Variants in WDR20 observed in about 807,000 individuals in gnomAD.
WDR20 encodes WD repeat domain 20.
In WDR20, 3 loss-of-function variants were observed where a neutral mutation model predicts 38.7. The observed-to-expected ratio is 0.08, with a 90% CI of 0.04 to 0.20. The LOEUF is 0.20. WDR20 is among the 10% of genes least tolerant of loss of function. The pLI is 1.00. For missense variants in WDR20, 559 were observed against 727.7 expected, an observed-to-expected ratio of 0.77 and a Z score of 2.67; for synonymous variants, 298 against 285.6, an observed-to-expected ratio of 1.04 and a Z score of -0.44.
At chr14:102,190,538 A>C (rs2066082302) in intron 1 of WDR20, among the ~76,000 whole-genome samples, 1 of 151,944 alleles carries the variant, frequency 6.6e-6, no homozygotes, top group South Asian at 2.1e-4. Context: ...GGTTACAGTG[A>C]GCCAAGATCA....
downstream of WDR20, among the ~76,000 whole-genome samples, chr14:102,211,274 C>T (rs1479242377): frequency 1.3e-5 from 2 of 152,172 alleles, no homozygotes; most frequent in Non-Finnish European, 2.9e-5. The surrounding 1 kb of genome is among the most constrained non-coding windows in gnomAD (Gnocchi z 4.2). Context: ...GACCAGTTTG[C>T]GTAGTGAATA....
In WDR20 at chr14:102,140,076, C is replaced by T. The variant is rs374419515; in HGVS notation, c.153C>T (p.Ser51=). Residue 51 remains serine, a synonymous_variant, in exon 1 of 3, where the codon TCC becomes TCT. Transcript: ENST00000342702. ...AGGGATCCAACCCTGTCCGCGTCTC[C>T]TTCGTAAACCTCAACGACCAGTCTG... is the stretch of plus-strand genomic sequence containing the variant. ...NSQGSNPVRV[S]FVNLNDQSGN... 1.9e-6 allele frequency: 3 copies of T among 1,614,218 alleles called. No individual in the cohort carries two copies. The highest frequency in any genetic ancestry group is 2.5e-6 in the Non-Finnish European group (3 of 1,180,034).
chr14:102,152,055 G>A (rs1056387691), intron 1 of WDR20, among the ~76,000 whole-genome samples: 10 of 151,976 alleles, frequency 6.6e-5, no homozygotes, highest in African/African-American at 2.4e-4. Flanking sequence ...CTGAGTATCT[G>A]GGACTATAGG....
chr14:102,200,775 C>CT (rs1185256049), intron 2 of WDR20, among the ~76,000 whole-genome samples: 1 of 152,216 alleles, frequency 6.6e-6, no homozygotes, highest in African/African-American at 2.4e-5. Context: ...TGTTGCCCTT[C>CT]TCCTCTCGCA....
intron 2 of WDR20, among the ~76,000 whole-genome samples, chr14:102,198,894 G>A (rs903728573): frequency 6.6e-6 from 1 of 152,180 alleles, no homozygotes; most frequent in African/African-American, 2.4e-5. Context: ...GTCTGTACTT[G>A]CTAAGTTCGA....
chr14:102,182,046 T>G (rs1476874597), intron 1 of WDR20, among the ~76,000 whole-genome samples: 6 of 152,220 alleles, frequency 3.9e-5, no homozygotes, highest in African/African-American at 1.4e-4. Flanking sequence ...TGTAACCCTT[T>G]TAGCTGTTTC....
intron 1 of WDR20, among the ~76,000 whole-genome samples, chr14:102,146,253 AC>A (rs1191129742): frequency 2.6e-5 from 4 of 151,594 alleles, no homozygotes; most frequent in Admixed American, 6.6e-5. Context: ...GACCTCTGGC[AC>A]CCGGGTTTTA....
intron 2 of WDR20, chr14:102,198,097 C>CTTTATTTATTTA (rs67384915): frequency 9.1e-5 from 16 of 176,576 alleles, no homozygotes; most frequent in East Asian, 2.6e-4. Context: ...CAGAGGTCTA[C>CTTTATTTATTTA]TTTATTTATT....
intron 1 of WDR20, among the ~76,000 whole-genome samples, chr14:102,175,001 C>T (rs1283369373): frequency 6.6e-6 from 1 of 152,136 alleles, no homozygotes; most frequent in African/African-American, 2.4e-5. Flanking sequence ...TTCTCTGCAA[C>T]CCTGTGGGTT....
intron 1 of WDR20, among the ~76,000 whole-genome samples, chr14:102,162,067 T>C (rs931371963): frequency 1.3e-5 from 2 of 152,136 alleles, no homozygotes; most frequent in Non-Finnish European, 2.9e-5. Context: ...AGTTGGGGTA[T>C]GAGATAGTAG....
chr14:102,191,744 G>A (rs2066493172), intron 1 of WDR20, among the ~76,000 whole-genome samples: 1 of 152,208 alleles, frequency 6.6e-6, no homozygotes, highest in Non-Finnish European at 1.5e-5. Context: ...AGTGCCACTG[G>A]AAAGGGATTG....
intron 2 of WDR20, among the ~76,000 whole-genome samples, chr14:102,199,783 C>T (rs1262340492): frequency 6.6e-6 from 1 of 152,206 alleles, no homozygotes; most frequent in African/African-American, 2.4e-5. Context: ...AAATTCCCAT[C>T]TGGGAACAAG....
At chr14:102,198,292 AT>A in intron 2 of WDR20, 1 of 346,780 alleles carries the variant, frequency 2.9e-6, no homozygotes, top group Non-Finnish European at 5.7e-6. Context: ...TAATTTTTGT[AT>A]TTTTAGTAGA....
At chr14:102,144,637 C>T (rs896398745) in intron 1 of WDR20, among the ~76,000 whole-genome samples, 3 of 152,044 alleles carry the variant, frequency 2.0e-5, no homozygotes, top group African/African-American at 7.2e-5. Context: ...CCATCACTTC[C>T]TCAGGAAATT....
chr14:102,204,733 A>G (rs1275229953), intron 2 of WDR20, among the ~76,000 whole-genome samples: 2 of 152,208 alleles, frequency 1.3e-5, no homozygotes, highest in South Asian at 2.1e-4. Context: ...TCATAAATGT[A>G]TATATCTTTT....
intron 1 of WDR20, among the ~76,000 whole-genome samples, chr14:102,157,876 T>C (rs1174705424): frequency 2.0e-5 from 3 of 152,130 alleles, no homozygotes; most frequent in South Asian, 2.1e-4. Flanking sequence ...CTTAGTATGA[T>C]TTAAAAAGTG....
At chr14:102,202,508 T>C (rs1040412439) in intron 2 of WDR20, among the ~76,000 whole-genome samples, 1 of 149,232 alleles carries the variant, frequency 6.7e-6, no homozygotes, top group Non-Finnish European at 1.5e-5. Flanking sequence ...ACCACCTGAG[T>C]AGCTGGGACT....
chr14:102,173,151 C>T lies in WDR20; in HGVS notation c.250-21787C>T, dbSNP rs1033215714. Among the ~76,000 whole-genome samples the T allele has an allele frequency of 2.0e-5, 3 of 151,368 alleles. No individual in the cohort carries two copies. The South Asian group carries it at 6.3e-4, about 32-fold the overall frequency. On this transcript the variant is annotated intron_variant, in intron 1 of 2. Transcript: ENST00000342702. Reference sequence around the variant, plus strand: ...TTTTTTGGAGGCAGCCTTATTCTGTCGCGCAGGCTGGAGTGCAGTGGTACC... The same window carrying T: ...TTTTTTGGAGGCAGCCTTATTCTGTTGCGCAGGCTGGAGTGCAGTGGTACC...
downstream of WDR20, among the ~76,000 whole-genome samples, chr14:102,219,557 G>A (rs138763568): frequency 2.6e-5 from 4 of 152,346 alleles, no homozygotes; most frequent in Admixed American, 1.3e-4. Flanking sequence ...TTGGGCCTTC[G>A]CTTCGCCTTC....
Sources: allele counts gnomAD v4.1 joint callset (sites outside exome capture counted in the v4.1 genomes callset), GRCh38; gene constraint gnomAD v4.1.1; non-coding constraint Gnocchi (gnomAD v3.1); transcripts MANE v1.5; gene names NCBI Gene and HGNC (gene_info 2026-07-23, HGNC 2026-07-21).